The following CARMIL2 variants were observed in gnomAD, a reference collection of about 807,000 sequenced individuals.
CARMIL2 encodes capping protein regulator and myosin 1 linker 2, also known as capping protein, Arp2/3 and myosin-I linker protein 2.
A neutral mutation model predicts 173.3 loss-of-function variants in CARMIL2; 96 were observed. That is an observed-to-expected ratio of 0.55 (90% CI 0.47 to 0.66). The LOEUF (loss-of-function observed/expected upper bound fraction) is 0.66, where lower values mean the gene tolerates loss of function less well. Among genes scored for constraint, CARMIL2 ranks in the 30% least tolerant of loss-of-function variants. The probability of loss-of-function intolerance (pLI) is 0.00; values close to 1 mark genes in which losing one functional copy is unlikely to be tolerated. For synonymous variants in CARMIL2, 830 were observed against 817.1 expected, an observed-to-expected ratio of 1.02 and a Z score of -0.27; for missense variants, 1,771 against 1,906.7, an observed-to-expected ratio of 0.93 and a Z score of 1.33.
chr16:67,648,337 G>A lies in CARMIL2; in HGVS notation c.1334+23G>A, dbSNP rs908533455. 10 of 1,568,276 alleles carry A rather than the reference G, an allele frequency of 6.4e-6. No homozygotes were observed. In the African/African-American group the frequency reaches 1.1e-4, roughly 17 times the overall value. On this transcript the variant is annotated intron_variant, in intron 14 of 37. Coordinates refer to ENST00000334583, the MANE Select transcript of CARMIL2 (RefSeq NM_001013838.3). The surrounding 1 kb of genome is among the most constrained non-coding windows in gnomAD (Gnocchi z 6.1). The stretch of plus-strand genomic sequence containing the variant: ...CACGTAAGGGGGACCTGTCGGGGCC[G>A]GGGGAGGCTGCTGGAAGCCGCCTCC...
At position 67,651,880 on chromosome 16, in the gene CARMIL2, G is replaced by A. The variant is rs138653561; in HGVS notation, c.2588+35G>A. 3.5e-4 allele frequency: 570 copies of A among 1,612,764 alleles called. 6 individuals are homozygous for A. In the East Asian group the frequency reaches 0.01, roughly 29 times the overall value. ...ATGGGGCTGGGCTGGGCAAGGCTGA[G>A]CAAAGCCAGCCCATTAACCCCTGTC... is the stretch of plus-strand genomic sequence containing the variant. On this transcript the variant is annotated intron_variant, in intron 25 of 37. Coordinates refer to ENST00000334583, the MANE Select transcript of CARMIL2 (RefSeq NM_001013838.3). This position sits in a 1 kb window ranked among gnomAD's most constrained non-coding sequence, Gnocchi z 4.2.
intron 33 of CARMIL2, 58 bp downstream of exon 33, chr16:67,656,125 C>T: frequency 1.2e-6 from 2 of 1,608,428 alleles, no homozygotes; most frequent in Non-Finnish European, 1.7e-6. Context: ...TTATAGACAG[C>T]CCCCAAGGCA....
In CARMIL2 at chr16:67,648,441, C is replaced by G. The variant is rs1188556275; in HGVS notation, c.1378C>G (p.Arg460Gly). ...APAALQLFLS[R>G]ARTLRHLGLA... ...GGCCGCGCTGCAGCTCTTCCTCAGC[C>G]GCGCGCGGACGCTGCGGCACCTGGG... is the stretch of plus-strand genomic sequence containing the variant. Residue 460 changes from arginine to glycine, a missense_variant, in exon 15 of 38, where the codon CGC becomes GGC. Arg to Gly is a moderately radical substitution (Grantham distance 125, BLOSUM62 -2). Around this residue, in one of 3 missense-constraint regions of CARMIL2, gnomAD observed 944 missense variants for 975.6 expected, o/e 0.97. Coordinates refer to ENST00000334583, the MANE Select transcript of CARMIL2 (RefSeq NM_001013838.3). The surrounding 1 kb of genome is among the most constrained non-coding windows in gnomAD (Gnocchi z 6.1). 3.4e-5 allele frequency: 50 copies of G among 1,470,308 alleles called. No homozygotes were observed. The highest frequency in any genetic ancestry group is 4.5e-5 in the Non-Finnish European group (50 of 1,120,758). The allele number at this position is 1,470,308 out of a possible 1,614,324, so 91.1% of individuals were successfully genotyped here.
intron 1 of CARMIL2, 117 bp from the exon 2 acceptor site, chr16:67,645,423 T>C: frequency 7.4e-7 from 1 of 1,349,854 alleles, no homozygotes; most frequent in Non-Finnish European, 1.0e-6. Context: ...CCAGATCCTC[T>C]CCCCTCCTTC....
chr16:67,645,846 A>T, intron 3 of CARMIL2, 69 bp downstream of exon 3: 1 of 1,591,690 alleles, frequency 6.3e-7, no homozygotes, highest in Non-Finnish European at 8.6e-7. Context: ...GCATCTGCAG[A>T]GTGGTCCTTC....
At chr16:67,655,984 T>G (rs1597760745) in intron 32 of CARMIL2, 47 bp from the exon 33 acceptor site, 1 of 1,554,758 alleles carries the variant, frequency 6.4e-7, no homozygotes, top group South Asian at 1.2e-5. Context: ...AAGGCTAGGG[T>G]GTGGGGAGCG....
intron 36 of CARMIL2, 29 bp downstream of exon 36, chr16:67,656,910 G>T: frequency 6.7e-7 from 1 of 1,498,310 alleles, no homozygotes; most frequent in Non-Finnish European, 9.0e-7. Flanking sequence ...ACGTGTGCTT[G>T]AATGCAGGAG....
In CARMIL2 at chr16:67,651,953, C is replaced by T; in HGVS notation, c.2621C>T (p.Ala874Val). The change falls in exon 26 of 38, where the codon GCA becomes GTA. Residue 874 changes from alanine (A) to valine (V), a missense_variant. Ala to Val is a moderately conservative substitution (Grantham distance 64). Transcript: ENST00000334583. The surrounding 1 kb of genome is among the most constrained non-coding windows in gnomAD (Gnocchi z 4.2). ...DMRLSITGTL[A>V]ESIVAQALAG... Reference sequence around the variant, plus strand: ...CGGCTATCAATCACGGGGACCTTGGCAGAGAGCATTGTGGCTCAGGCTTTG... The same window carrying T: ...CGGCTATCAATCACGGGGACCTTGGTAGAGAGCATTGTGGCTCAGGCTTTG... 3.1e-6 allele frequency: 5 copies of T among 1,613,616 alleles called. No homozygotes were observed. Among genetic ancestry groups the T allele is most frequent in the Non-Finnish European group, 4.2e-6 (5 of 1,179,874 alleles).
chr16:67,645,987 C>T (rs771361321), intron 3 of CARMIL2, 31 bp from the exon 4 acceptor site: 24 of 1,613,110 alleles, frequency 1.5e-5, no homozygotes, highest in Non-Finnish European at 2.0e-5. Flanking sequence ...GGGCTGGGGG[C>T]TTGGTCCCAG....
Position 67,648,072 on chromosome 16 carries a change from C to G in CARMIL2, c.1092C>G (p.Ser364Arg). The change falls in exon 14 of 38, where the codon AGC (serine) becomes AGG (arginine). Residue 364 changes from serine (S) to arginine (R), a missense_variant. Coordinates refer to ENST00000334583, the MANE Select transcript of CARMIL2 (RefSeq NM_001013838.3). This position sits in a 1 kb window ranked among gnomAD's most constrained non-coding sequence, Gnocchi z 6.1. ...TCCAGGGCCTCTATAGCTTCCTGAG[C>G]CGTCCTAACGTACTGTCGTTCCTGA... ...EDSGGLYSFL[S>R]RPNVLSFLNL... 1 of 1,612,512 alleles carries G rather than the reference C, an allele frequency of 6.2e-7. No homozygotes were observed. Among genetic ancestry groups the G allele is most frequent in the Non-Finnish European group, 8.5e-7 (1 of 1,179,380 alleles).
rs1199598188 is a variant in CARMIL2 at position 67,645,642 on chromosome 16, G to A, written c.132+11G>A. The A allele has an allele frequency of 6.2e-7, 1 of 1,613,462 alleles. No individual in the cohort carries two copies. The highest frequency in any genetic ancestry group is 1.3e-5 in the African/African-American group (1 of 75,076). On this transcript the variant is annotated intron_variant, in intron 2 of 37. Coordinates refer to ENST00000334583, the MANE Select transcript of CARMIL2 (RefSeq NM_001013838.3). The stretch of plus-strand genomic sequence containing the variant: ...CAAAACCATGTCCTGGTATGGGGCA[G>A]GGGACAGAGCCGGGGAGGCGGCTGT...
rs772907067 is a variant in CARMIL2 at position 67,647,686 on chromosome 16, C to T, written c.878C>T (p.Thr293Ile). 6.9e-6 allele frequency: 11 copies of T among 1,600,390 alleles called. No homozygotes were observed. In the South Asian group the frequency reaches 1.1e-4, roughly 16 times the overall value. Residue 293 changes from threonine (T) to isoleucine (I), a missense_variant, in exon 12 of 38, where the codon ACT becomes ATT. Transcript: ENST00000334583. ...GCTGTTCCCACCCCCCAAGGCATGA[C>T]TGCACTCAGCAGACACCTCGAGCGT... Reference protein sequence around the residue: ...AGNLLDDRGMTALSRHLERCP... With the variant: ...AGNLLDDRGMIALSRHLERCP...
At position 67,648,797 on chromosome 16, in the gene CARMIL2, G is replaced by T; in HGVS notation, c.1509+43G>T. 3.2e-6 allele frequency: 5 copies of T among 1,570,486 alleles called. No individual in the cohort carries two copies. The highest frequency in any genetic ancestry group is 2.4e-5 in the East Asian group (1 of 42,110). On this transcript the variant is annotated intron_variant, in intron 16 of 37. Transcript: ENST00000334583. This position sits in a 1 kb window ranked among gnomAD's most constrained non-coding sequence, Gnocchi z 6.1. ...GAAGAGACCACACATTGGGAGAGGC[G>T]CTGGGAGGCGGAAGGGCAGGGCCGT...
chr16:67,652,600 G>A lies in CARMIL2; in HGVS notation c.2884+62G>A, dbSNP rs1445805334. ...TGGGCTGAAGCTCCATTAGACTTGG[G>A]GACCCGGGGACCTGGATGAACTCAT... On this transcript the variant is annotated intron_variant, in intron 28 of 37. Transcript: ENST00000334583. The surrounding 1 kb of genome is among the most constrained non-coding windows in gnomAD (Gnocchi z 4.7). 1.3e-5 allele frequency: 19 copies of A among 1,489,406 alleles called. No individual in the cohort carries two copies. Among genetic ancestry groups the A allele is most frequent in the Non-Finnish European group, 1.3e-5 (14 of 1,076,714 alleles). 92.3% of individuals were successfully genotyped at this position (1,489,406 alleles called of 1,614,324 possible).
Position 67,656,212 on chromosome 16 carries a change from C to T in CARMIL2, c.3743-16C>T. The T allele has an allele frequency of 6.2e-7, 1 of 1,613,880 alleles. No individual in the cohort carries two copies. Among genetic ancestry groups the T allele is most frequent in the South Asian group, 1.1e-5 (1 of 91,084 alleles). On this transcript the variant is annotated splice_polypyrimidine_tract_variant and intron_variant, in intron 33 of 37. Transcript: ENST00000334583. ...CTCCAAGGTCTGGTACCTGAGTCCC[C>T]AGCTCCGCCTTGCAGGTGACATTAT...
chr16:67,653,026 T>C lies in CARMIL2; in HGVS notation c.2892T>C (p.Ala964=). ...CTGGTGCTGTCCCCTCAGGTGCTGC[T>C]GAGGAAGCGGAGCCGGAGCCCGAGC... The part of the protein sequence containing the change: ...LHLVPFIHSA[A]EEAEPEPELA... The change falls in exon 29 of 38, where the codon GCT becomes GCC. Residue 964 remains alanine, a synonymous_variant. Transcript: ENST00000334583. This position sits in a 1 kb window ranked among gnomAD's most constrained non-coding sequence, Gnocchi z 7.4. 1.6e-6 allele frequency: 2 copies of C among 1,268,278 alleles called. No homozygotes were observed. The highest frequency in any genetic ancestry group is 1.0e-6 in the Non-Finnish European group (1 of 992,898). The allele number at this position is 1,268,278 out of a possible 1,614,324, so 78.6% of individuals were successfully genotyped here. A position where few individuals can be genotyped will look rare whatever the true frequency, so the allele number is the denominator to read the frequency against.
chr16:67,650,948 A>G (rs1011402595), intron 22 of CARMIL2: 9 of 491,584 alleles, frequency 1.8e-5, no homozygotes, highest in African/African-American at 1.7e-4. Context: ...AAACACAGAC[A>G]TGATTTACAA....
chr16:67,649,363 T>C lies in CARMIL2; in HGVS notation c.1746+52T>C. 1 of 1,609,152 alleles carries C rather than the reference T, an allele frequency of 6.2e-7. No individual in the cohort carries two copies. On this transcript the variant is annotated intron_variant, in intron 19 of 37. Transcript: ENST00000334583. This position sits in a 1 kb window ranked among gnomAD's most constrained non-coding sequence, Gnocchi z 6.7. ...TCGGGCAATTAGACCACTTTGGTCC[T>C]CCTTTCTCTTGTTCCCTCAGACCCT...
At position 67,647,881 on chromosome 16, in the gene CARMIL2, G is replaced by A. The variant is rs774635187; in HGVS notation, c.994G>A (p.Ala332Thr). ...RALGRALATNAAFDSTLTHLD... is the reference protein window; with the variant it reads ...RALGRALATNTAFDSTLTHLD... ...TCTGGGCCGGGCACTGGCCACCAAT[G>A]CCGCCTTCGACTCCACCCTGACCCA... Residue 332 changes from alanine to threonine, a missense_variant, in exon 13 of 38, where the codon GCC becomes ACC. Ala to Thr is a moderately conservative substitution (Grantham distance 58). This residue lies in a region of CARMIL2 where 944 missense variants were observed against 975.6 expected (regional missense o/e 0.97). Coordinates refer to ENST00000334583, the MANE Select transcript of CARMIL2 (RefSeq NM_001013838.3). 103 of 1,611,150 alleles carry A rather than the reference G, an allele frequency of 6.4e-5. 1 individual carries two copies. In the South Asian group the frequency reaches 1.1e-3, roughly 17 times the overall value.
Sources: allele counts gnomAD v4.1 joint callset, GRCh38; gene constraint gnomAD v4.1.1; regional missense constraint gnomAD v4.1.1; non-coding constraint Gnocchi (gnomAD v3.1); transcripts MANE v1.5; gene names NCBI Gene and HGNC (gene_info 2026-07-23, HGNC 2026-07-21).